Variants in CAMTA1 observed in about 807,000 individuals in gnomAD.
CAMTA1 encodes the protein calmodulin-binding transcription activator 1.
CAMTA1 carries 27 observed loss-of-function variants against 170.9 expected under a neutral mutation model. That is an observed-to-expected ratio of 0.16 (90% CI 0.12 to 0.22). The LOEUF (loss-of-function observed/expected upper bound fraction) is 0.22. Among genes scored for constraint, CAMTA1 ranks in the 10% least tolerant of loss-of-function variants. The pLI, the probability that CAMTA1 is intolerant of heterozygous loss-of-function variation, is 1.00. For missense variants in CAMTA1, 1,619 were observed against 2,217.2 expected, an observed-to-expected ratio of 0.73 and a Z score of 5.42; for synonymous variants, 833 against 891.5, an observed-to-expected ratio of 0.93 and a Z score of 1.17.
rs918624241 is a variant in CAMTA1, at chr1:7,547,146, A to G, written c.510+79245A>G. ...TTCTGGGTCATTTGATATAAGCCCA[A>G]TCATTCTTTGAGCACTTCCTTGCTT... On this transcript the variant is annotated intron_variant, in intron 6 of 22. Transcript: ENST00000303635. This position sits in a 1 kb window ranked among gnomAD's most constrained non-coding sequence, Gnocchi z 5.7. Among the ~76,000 whole-genome samples, 10 of 152,288 alleles carry G rather than the reference A, an allele frequency of 6.6e-5. No individual in the cohort carries two copies. Among genetic ancestry groups the G allele is most frequent in the Non-Finnish European group, 1.5e-5 (1 of 68,036 alleles).
rs77286124 is a variant in CAMTA1, at chr1:7,121,357, C to T, written c.302+29986C>T. Among the ~76,000 whole-genome samples, 14 of 152,292 alleles carry T rather than the reference C, an allele frequency of 9.2e-5. No individual in the cohort carries two copies. The East Asian group carries it at 2.3e-3, about 25-fold the overall frequency. On this transcript the variant is annotated intron_variant, in intron 4 of 22. Coordinates refer to ENST00000303635, the MANE Select transcript of CAMTA1 (RefSeq NM_015215.4). ...GTCATAAAAAATAAGTTACAATTTC[C>T]GATACACAATGGGTGGATAAGATGG...
intron 5 of CAMTA1, among the ~76,000 whole-genome samples, chr1:7,276,303 A>ATATATATATATATATTTTT: frequency 8.3e-5 from 2 of 24,232 alleles, no homozygotes; most frequent in Non-Finnish European, 1.2e-4. Flanking sequence ...ATATATATAT[A>ATATATATATATATATTTTT]TTTTTTTTTT....
intron 3 of CAMTA1, among the ~76,000 whole-genome samples, chr1:6,894,801 A>G (rs565276601): frequency 6.6e-6 from 1 of 152,376 alleles, no homozygotes; most frequent in Admixed American, 6.5e-5. Flanking sequence ...AAAAATAGAA[A>G]TGGCGGCTTG....
chr1:7,725,052 AAGG>A (rs1162190280), intron 11 of CAMTA1, among the ~76,000 whole-genome samples: 1 of 152,156 alleles, frequency 6.6e-6, no homozygotes, highest in Non-Finnish European at 1.5e-5. Context: ...TTCCACAAAA[AAGG>A]AGCACAGGGA....
chr1:7,589,514 C>T (rs535013171), intron 6 of CAMTA1, among the ~76,000 whole-genome samples: 5 of 152,292 alleles, frequency 3.3e-5, no homozygotes, highest in South Asian at 2.1e-4. Context: ...TGTGGCTTGA[C>T]GGCTTGACGC....
intron 4 of CAMTA1, among the ~76,000 whole-genome samples, chr1:7,192,907 G>C (rs1573791675): frequency 6.6e-6 from 1 of 152,194 alleles, no homozygotes; most frequent in South Asian, 2.1e-4. Flanking sequence ...TCTAAGTCAT[G>C]CTGTGAAGGT....
Position 7,738,552 on chromosome 1 carries a change from T to C in CAMTA1, c.4182+70T>C. Reference sequence around the variant, plus strand: ...CAGTTGCTGTGATCTTTATGGTCCATTTCCGAAGGTTGTGTCATTTTCCTC... The same window carrying C: ...CAGTTGCTGTGATCTTTATGGTCCACTTCCGAAGGTTGTGTCATTTTCCTC... On this transcript the variant is annotated intron_variant, in intron 16 of 22. Transcript: ENST00000303635. The surrounding 1 kb of genome is among the most constrained non-coding windows in gnomAD (Gnocchi z 4.9). 1 of 1,507,674 alleles carries C rather than the reference T, an allele frequency of 6.6e-7. No homozygotes were observed. The highest frequency in any genetic ancestry group is 8.9e-7 in the Non-Finnish European group (1 of 1,120,366). The allele number at this position is 1,507,674 out of a possible 1,614,324, so 93.4% of individuals were successfully genotyped here.
chr1:7,277,456 G>GGTGTGTGTGTGT lies in CAMTA1; in HGVS notation c.438+27855_438+27866dup, dbSNP rs57970990. On this transcript the variant is annotated intron_variant, in intron 5 of 22. Coordinates refer to ENST00000303635, the MANE Select transcript of CAMTA1 (RefSeq NM_015215.4). ...AACTAAATTAATCTTTCCAAGCAATGGTGTGTGTGTGTGTGTGTGTGTGTG... is the reference window on the plus strand; with the variant it reads ...AACTAAATTAATCTTTCCAAGCAATGGTGTGTGTGTGTGTGTGTGTGTGTGTGTGTGTGTGTG... 8.1e-3 allele frequency among the ~76,000 whole-genome samples: 1,101 copies of GGTGTGTGTGTGT among 135,336 alleles called. 20 individuals are homozygous for GGTGTGTGTGTGT. The highest frequency in any genetic ancestry group is 0.027 in the African/African-American group (939 of 35,020). 88.8% of individuals were successfully genotyped at this position (135,336 alleles called of 152,430 possible).
chr1:7,739,638 G>C (rs1162240221), intron 16 of CAMTA1, among the ~76,000 whole-genome samples: 2 of 152,186 alleles, frequency 1.3e-5, no homozygotes, highest in Admixed American at 1.3e-4. Context: ...AGGCAAGAGA[G>C]AATGAGAGCC....
intron 6 of CAMTA1, among the ~76,000 whole-genome samples, chr1:7,629,850 A>G (rs1465508538): frequency 6.7e-6 from 1 of 148,452 alleles, no homozygotes; most frequent in African/African-American, 2.5e-5. Context: ...GCTTCTGTGG[A>G]TCCTGGGAGG....
intron 1 of CAMTA1, among the ~76,000 whole-genome samples, chr1:6,816,686 T>G (rs1026553281): frequency 6.6e-6 from 1 of 152,190 alleles, no homozygotes. Context: ...GCTCACTGAT[T>G]TGCCCGGACT....
At chr1:6,915,692 C>T (rs903499372) in intron 3 of CAMTA1, among the ~76,000 whole-genome samples, 9 of 152,300 alleles carry the variant, frequency 5.9e-5, no homozygotes, top group South Asian at 2.1e-4. Context: ...AAGCAGCAGC[C>T]GGCCTCTGGT....
At chr1:7,623,969 C>T (rs1205261628) in intron 6 of CAMTA1, among the ~76,000 whole-genome samples, 4 of 152,202 alleles carry the variant, frequency 2.6e-5, no homozygotes, top group Non-Finnish European at 4.4e-5. Context: ...CTATCCTCGA[C>T]GCAAAATAGA....
At chr1:7,270,222 CATATATATACACATATAT>C (rs1169041193) in intron 5 of CAMTA1, among the ~76,000 whole-genome samples, 4 of 105,068 alleles carry the variant, frequency 3.8e-5, no homozygotes, top group African/African-American at 1.5e-4. Context: ...TACATATATA[CATATATATACACATATAT>C]ACATACACAC....
rs1477400161 is a variant in CAMTA1 at position 7,270,296 on chromosome 1, T to A, written c.438+20670T>A. Among the ~76,000 whole-genome samples, 668 of 141,290 alleles carry A rather than the reference T, an allele frequency of 4.7e-3. 5 individuals carry two copies. Among genetic ancestry groups the A allele is most frequent in the Middle Eastern group, 0.019 (5 of 266 alleles). The allele number at this position is 141,290 out of a possible 152,430, so 92.7% of individuals were successfully genotyped here. ...ACACATATATATATATATATATTTTTTTTTTTTTTTCTTGTGAGATGGAGT... is the reference window on the plus strand; with the variant it reads ...ACACATATATATATATATATATTTTATTTTTTTTTTCTTGTGAGATGGAGT... On this transcript the variant is annotated intron_variant, in intron 5 of 22. Transcript: ENST00000303635.
chr1:7,056,817 G>A (rs745368022), intron 3 of CAMTA1, among the ~76,000 whole-genome samples: 1 of 152,156 alleles, frequency 6.6e-6, no homozygotes, highest in Admixed American at 6.5e-5. Context: ...AGTTTTGACA[G>A]GTGACCAGAC....
In CAMTA1 at chr1:7,680,909, C is replaced by A. The variant is rs1383323000; in HGVS notation, c.2914+3176C>A. Reference sequence around the variant, plus strand: ...TGCTGCGGCGAAGTCTTTGTCCCCGCGGCGCAGCCTTTGTCCCCGCGGCGT... The same window carrying A: ...TGCTGCGGCGAAGTCTTTGTCCCCGAGGCGCAGCCTTTGTCCCCGCGGCGT... On this transcript the variant is annotated intron_variant, in intron 11 of 22. Coordinates refer to ENST00000303635, the MANE Select transcript of CAMTA1 (RefSeq NM_015215.4). This position sits in a 1 kb window ranked among gnomAD's most constrained non-coding sequence, Gnocchi z 4.4. Among the ~76,000 whole-genome samples the A allele has an allele frequency of 7.2e-6, 1 of 139,738 alleles. No individual in the cohort carries two copies. The highest frequency in any genetic ancestry group is 1.6e-5 in the Non-Finnish European group (1 of 61,252). The allele number at this position is 139,738 out of a possible 152,430, so 91.7% of individuals were successfully genotyped here.
chr1:6,849,804 G>A (rs1283795023), intron 3 of CAMTA1, among the ~76,000 whole-genome samples: 1 of 152,016 alleles, frequency 6.6e-6, no homozygotes, highest in Non-Finnish European at 1.5e-5. Flanking sequence ...GGAGGCTGAG[G>A]CAGGAGGATC....
At chr1:7,332,257 C>T (rs1214795052) in intron 5 of CAMTA1, among the ~76,000 whole-genome samples, 1 of 149,154 alleles carries the variant, frequency 6.7e-6, no homozygotes, top group Non-Finnish European at 1.5e-5. Flanking sequence ...TGAATGACTT[C>T]GGGGAAAGAG....
Sources: gnomAD v4.1 joint callset for allele counts (sites outside exome capture counted in the v4.1 genomes callset) on GRCh38, gnomAD v4.1.1 for gene constraint, Gnocchi (gnomAD v3.1) non-coding constraint, MANE v1.5 for transcripts, NCBI Gene and HGNC (gene_info 2026-07-23, HGNC 2026-07-21) for gene names.